Variants in MVB12B observed in about 807,000 individuals in gnomAD.
The protein encoded by MVB12B is ESCRT-I complex subunit MVB12B.
A neutral mutation model predicts 41.6 loss-of-function variants in MVB12B; 16 were observed. That is an observed-to-expected ratio of 0.38 (90% CI 0.26 to 0.58). The LOEUF is 0.58. Among genes scored for constraint, MVB12B ranks in the 20% least tolerant of loss-of-function variants. The pLI, the probability that MVB12B is intolerant of heterozygous loss-of-function variation, is 0.62. For synonymous variants in MVB12B, 133 were observed against 139.7 expected, an observed-to-expected ratio of 0.95 and a Z score of 0.34; for missense variants, 274 against 380.2, an observed-to-expected ratio of 0.72 and a Z score of 2.32.
chr9:126,498,976 G>T (rs1041612563), intron 9 of MVB12B, among the ~76,000 whole-genome samples: 1 of 152,204 alleles, frequency 6.6e-6, no homozygotes, highest in Non-Finnish European at 1.5e-5. Context: ...GCATCACTGT[G>T]GTTAAAGCCT....
At chr9:126,398,715 T>C (rs1204104350) in intron 6 of MVB12B, among the ~76,000 whole-genome samples, 2 of 151,792 alleles carry the variant, frequency 1.3e-5, no homozygotes, top group African/African-American at 2.4e-5. Flanking sequence ...GAGCCGGAGC[T>C]AGTGGCAGGC....
rs555219957 is a variant in MVB12B at position 126,371,398 on chromosome 9, C to T, written c.205-9666C>T. On this transcript the variant is annotated intron_variant, in intron 2 of 9. Coordinates refer to ENST00000361171, the MANE Select transcript of MVB12B (RefSeq NM_033446.3). The stretch of plus-strand genomic sequence containing the variant: ...CTCCCATTTCCTGTCTCGTGGGCCC[C>T]CCACGGAACTGTCTTCCCTGCCTGG... Among the ~76,000 whole-genome samples the T allele has an allele frequency of 5.3e-5, 8 of 152,370 alleles. No individual in the cohort carries two copies. The South Asian group carries it at 1.7e-3, about 32-fold the overall frequency.
At chr9:126,347,364 C>T (rs1829625381) in intron 2 of MVB12B, among the ~76,000 whole-genome samples, 2 of 152,244 alleles carry the variant, frequency 1.3e-5, no homozygotes, top group Admixed American at 6.5e-5. Context: ...TCCTGCCTCC[C>T]CCCATGTCTC....
intron 9 of MVB12B, among the ~76,000 whole-genome samples, chr9:126,497,011 A>G (rs989366819): frequency 6.6e-6 from 1 of 152,158 alleles, no homozygotes; most frequent in Admixed American, 6.5e-5. Context: ...GATTGACAGA[A>G]TGACTGGGAT....
intron 8 of MVB12B, among the ~76,000 whole-genome samples, 167 bp from the exon 9 acceptor site, chr9:126,483,806 C>A (rs924799478): frequency 6.6e-6 from 1 of 152,150 alleles, no homozygotes; most frequent in Non-Finnish European, 1.5e-5. Context: ...TCTCCTGCCA[C>A]CCCCACGCGT....
intron 2 of MVB12B, among the ~76,000 whole-genome samples, chr9:126,343,874 G>A (rs983675631): frequency 5.3e-5 from 8 of 152,224 alleles, no homozygotes; most frequent in South Asian, 4.2e-4. Flanking sequence ...CCGAGACTGC[G>A]CCACTGCGCT....
rs1239244783 is a variant in MVB12B at position 126,386,577 on chromosome 9, G to A, written c.328G>A (p.Val110Met). Residue 110 changes from valine to methionine, a missense_variant, in exon 4 of 10, where the codon GTG becomes ATG. By Grantham distance (21) the Val-to-Met change is conservative (BLOSUM62 1). Coordinates refer to ENST00000361171, the MANE Select transcript of MVB12B (RefSeq NM_033446.3). This position sits in a 1 kb window ranked among gnomAD's most constrained non-coding sequence, Gnocchi z 4.3. ...TCTTCCCAAGAGTCATCTGGGGAAC[G>A]TGTTAGTAGATATGAAGCTCATTGA... ...FSKENSHLGN[V>M]LVDMKLIDIK... 6.2e-6 allele frequency: 10 copies of A among 1,613,518 alleles called. No individual in the cohort carries two copies. The highest frequency in any genetic ancestry group is 1.7e-5 in the Admixed American group (1 of 60,026).
rs894109439 is a variant in MVB12B, at chr9:126,478,150, T to C, written c.758-3219T>C. Among the ~76,000 whole-genome samples the C allele has an allele frequency of 1.3e-5, 2 of 152,194 alleles. No individual in the cohort carries two copies. The highest frequency in any genetic ancestry group is 4.8e-5 in the African/African-American group (2 of 41,440). On this transcript the variant is annotated intron_variant, in intron 7 of 9. Transcript: ENST00000361171. The surrounding 1 kb of genome is among the most constrained non-coding windows in gnomAD (Gnocchi z 4.2). ...CACTGAATTGTTCACTTTAAAATGG[T>C]TAATTTTATATGAATTTTTTAAAAC...
intron 7 of MVB12B, among the ~76,000 whole-genome samples, chr9:126,465,441 A>G (rs1833178753): frequency 6.6e-6 from 1 of 152,090 alleles, no homozygotes; most frequent in Admixed American, 6.5e-5. Context: ...ACCAGTGAGC[A>G]CCAGGATGAG....
chr9:126,340,731 T>G lies in MVB12B; in HGVS notation c.204+101T>G. The stretch of plus-strand genomic sequence containing the variant: ...GGCCCTTGCGTGTAAGATGTGCTTC[T>G]TCCCTCTAGGAACTTAATCCAGGGA... On this transcript the variant is annotated intron_variant, in intron 2 of 9. Transcript: ENST00000361171. The surrounding 1 kb of genome is among the most constrained non-coding windows in gnomAD (Gnocchi z 4.0). 1.4e-6 allele frequency: 2 copies of G among 1,395,248 alleles called. No homozygotes were observed. Among genetic ancestry groups the G allele is most frequent in the Non-Finnish European group, 9.9e-7 (1 of 1,012,646 alleles). The allele number at this position is 1,395,248 out of a possible 1,614,324, so 86.4% of individuals were successfully genotyped here.
intron 7 of MVB12B, among the ~76,000 whole-genome samples, chr9:126,476,945 G>GAT (rs577631668): frequency 1.1e-4 from 17 of 150,994 alleles, no homozygotes; most frequent in South Asian, 4.2e-4. Flanking sequence ...TAATATATGT[G>GAT]ATATATATAT....
chr9:126,452,862 A>C (rs933883071), intron 7 of MVB12B, among the ~76,000 whole-genome samples: 15 of 152,332 alleles, frequency 9.8e-5, no homozygotes, highest in Admixed American at 3.3e-4. Context: ...TAGGCACTTC[A>C]TGGCCCTTTA....
At position 126,470,913 on chromosome 9, in the gene MVB12B, A is replaced by G. The variant is rs553037762; in HGVS notation, c.758-10456A>G. On this transcript the variant is annotated intron_variant, in intron 7 of 9. Transcript: ENST00000361171. Reference sequence around the variant, plus strand: ...ACCGTGAAAGGGTATTTCCCTCTGTACAGCAGTAATAACACTAACACTAAT... The same window carrying G: ...ACCGTGAAAGGGTATTTCCCTCTGTGCAGCAGTAATAACACTAACACTAAT... 1.2e-4 allele frequency among the ~76,000 whole-genome samples: 19 copies of G among 152,302 alleles called. No individual in the cohort carries two copies. In the East Asian group the frequency reaches 3.7e-3, roughly 29 times the overall value.
intron 2 of MVB12B, among the ~76,000 whole-genome samples, chr9:126,358,075 A>G (rs996668803): frequency 3.9e-5 from 6 of 152,132 alleles, no homozygotes; most frequent in African/African-American, 1.4e-4. Context: ...TTTAAAAATC[A>G]TCTGTTCTTC....
At chr9:126,405,536 G>A (rs1363266939) in intron 6 of MVB12B, among the ~76,000 whole-genome samples, 2 of 151,894 alleles carry the variant, frequency 1.3e-5, no homozygotes, top group Non-Finnish European at 2.9e-5. Context: ...GTTTCACCTG[G>A]GTCTCTCAGT....
intron 9 of MVB12B, among the ~76,000 whole-genome samples, chr9:126,488,041 A>G (rs979431388): frequency 7.2e-5 from 11 of 152,184 alleles, no homozygotes; most frequent in African/African-American, 2.7e-4. Flanking sequence ...AGCCGTGGCA[A>G]AGGCTTTTCT....
chr9:126,483,942 T>G, intron 8 of MVB12B, 31 bp from the exon 9 acceptor site: 1 of 1,613,058 alleles, frequency 6.2e-7, no homozygotes, highest in Non-Finnish European at 8.5e-7. Context: ...TTTCCAGCTA[T>G]TTAAAAGGGC....
rs1023365689 is a variant in MVB12B, at chr9:126,434,658, T to C, written c.757+12710T>C. On this transcript the variant is annotated intron_variant, in intron 7 of 9. Transcript: ENST00000361171. ...TGTAGCAAAACGCCAGTTTCACTCC[T>C]GTGAGAAGGTCCTTGGCTCATGAAT... Among the ~76,000 whole-genome samples, 4 of 152,358 alleles carry C rather than the reference T, an allele frequency of 2.6e-5. No individual in the cohort carries two copies. In the South Asian group the frequency reaches 8.3e-4, roughly 32 times the overall value.
chr9:126,458,516 A>T (rs964067133), intron 7 of MVB12B, among the ~76,000 whole-genome samples: 1 of 151,926 alleles, frequency 6.6e-6, no homozygotes, highest in Non-Finnish European at 1.5e-5. Flanking sequence ...TTTTGGATTC[A>T]CGTGATATTC....
Sources: allele counts gnomAD v4.1 joint callset (sites outside exome capture counted in the v4.1 genomes callset), GRCh38; gene constraint gnomAD v4.1.1; non-coding constraint Gnocchi (gnomAD v3.1); transcripts MANE v1.5; gene names NCBI Gene and HGNC (gene_info 2026-07-23, HGNC 2026-07-21).